ZHX3: variants seen among roughly 807,000 people sequenced by gnomAD.
ZHX3 encodes zinc fingers and homeoboxes protein 3.
In ZHX3, 20 loss-of-function variants were observed where a neutral mutation model predicts 64.5. The ratio of observed to expected loss-of-function variants is 0.31; its 90% CI spans 0.22 to 0.45. The LOEUF is 0.45. ZHX3 is among the 20% of genes least tolerant of loss of function. ZHX3 has a pLI of 1.00. For synonymous variants in ZHX3, 423 were observed against 461.6 expected (o/e 0.92, Z 1.07); for missense variants, 1,041 against 1,195.8 (o/e 0.87, Z 1.91).
At chr20:41,289,832 A>G (rs1199472429) in intron 1 of ZHX3, among the ~76,000 whole-genome samples, 1 of 151,770 alleles carries the variant, frequency 6.6e-6, no homozygotes, top group East Asian at 1.9e-4. Context: ...CCTGACAAAT[A>G]GTAGGTGGTC....
chr20:41,259,576 T>C (rs532633653), intron 2 of ZHX3, among the ~76,000 whole-genome samples: 1 of 152,284 alleles, frequency 6.6e-6, no homozygotes, highest in South Asian at 2.1e-4. Context: ...AAGACTCCCA[T>C]GATATACTAT....
rs550694053 is a variant in ZHX3 at position 41,186,974 on chromosome 20, G to A, written c.2861-1773C>T. 2.5e-4 allele frequency among the ~76,000 whole-genome samples: 38 copies of A among 152,066 alleles called. No homozygotes were observed. In the South Asian group the frequency reaches 4.4e-3, roughly 17 times the overall value. Reference sequence around the variant, plus strand: ...AAACACAAAAGTTTTAGATTTTGACGTAATCCAAATTATTATTTTCTTTTG... The same window carrying A: ...AAACACAAAAGTTTTAGATTTTGACATAATCCAAATTATTATTTTCTTTTG... On this transcript the variant is annotated intron_variant, in intron 3 of 3. Coordinates refer to ENST00000683867, the MANE Select transcript of ZHX3 (RefSeq NM_001384317.1).
chr20:41,220,251 A>G (rs2039843773), intron 2 of ZHX3, among the ~76,000 whole-genome samples: 1 of 152,226 alleles, frequency 6.6e-6, no homozygotes, highest in African/African-American at 2.4e-5. Context: ...TTTGGATTAG[A>G]GCTCGAAGGA....
At chr20:41,244,893 G>A (rs2041599042) in intron 2 of ZHX3, among the ~76,000 whole-genome samples, 1 of 152,142 alleles carries the variant, frequency 6.6e-6, no homozygotes, top group South Asian at 2.1e-4. Flanking sequence ...GAAGGGTTTT[G>A]GCCCAGGAAA....
rs6016523 is a variant in ZHX3 at position 41,201,743 on chromosome 20, A to G, written c.2860+314T>C. 7.8e-3 allele frequency among the ~76,000 whole-genome samples: 1,195 copies of G among 152,304 alleles called. 11 individuals carry two copies. Among genetic ancestry groups the G allele is most frequent in the African/African-American group, 0.027 (1,132 of 41,560 alleles). ...GTGGCTGTGGATCTGCCCGACTCAG[A>G]GGATGTTTTGACCTGTTCTCCTATT... On this transcript the variant is annotated intron_variant, in intron 3 of 3. Coordinates refer to ENST00000683867, the MANE Select transcript of ZHX3 (RefSeq NM_001384317.1). The surrounding 1 kb of genome is among the most constrained non-coding windows in gnomAD (Gnocchi z 5.0).
At chr20:41,299,093 CAATA>C (rs1281471021) in intron 1 of ZHX3, among the ~76,000 whole-genome samples, 1 of 152,166 alleles carries the variant, frequency 6.6e-6, no homozygotes, top group Non-Finnish European at 1.5e-5. Context: ...AATTGGGAAT[CAATA>C]GAGTGCAGCT....
chr20:41,267,442 A>G (rs781537611), intron 2 of ZHX3: 18 of 152,210 alleles, frequency 1.2e-4, no homozygotes, highest in Non-Finnish European at 1.9e-4. Context: ...TTCTTCATTC[A>G]TTCACCCAAC....
intron 2 of ZHX3, among the ~76,000 whole-genome samples, chr20:41,258,590 G>T (rs1285355656): frequency 6.6e-6 from 1 of 152,100 alleles, no homozygotes; most frequent in Non-Finnish European, 1.5e-5. Flanking sequence ...GGGTTTGCCT[G>T]ATGTTTTCTC....
Position 41,183,281 on chromosome 20 carries a change from T to C in ZHX3, c.*1910A>G, listed in dbSNP as rs2036309847. Reference sequence around the variant, plus strand: ...GAAGGAAAGCAATCACTCGCCATTCTTGGCAATTCCTCAAAGGTTTTTGAG... The same window carrying C: ...GAAGGAAAGCAATCACTCGCCATTCCTGGCAATTCCTCAAAGGTTTTTGAG... On this transcript the variant is annotated 3_prime_UTR_variant, in exon 4 of 4. Transcript: ENST00000683867. The surrounding 1 kb of genome is among the most constrained non-coding windows in gnomAD (Gnocchi z 5.3). The C allele has an allele frequency of 6.6e-6, 1 of 152,250 alleles. No individual in the cohort carries two copies. The highest frequency in any genetic ancestry group is 6.5e-5 in the Admixed American group (1 of 15,288). The allele number at this position is 152,250 out of a possible 1,614,324, so 9.4% of individuals were successfully genotyped here. A position where few individuals can be genotyped will look rare whatever the true frequency, so the allele number is the denominator to read the frequency against.
chr20:41,297,969 A>G (rs2044620610), intron 1 of ZHX3, among the ~76,000 whole-genome samples: 1 of 152,184 alleles, frequency 6.6e-6, no homozygotes, highest in Non-Finnish European at 1.5e-5. Flanking sequence ...ATCTATTTCT[A>G]TTGAGTCTAA....
In ZHX3 at chr20:41,205,041, C is replaced by T. The variant is rs1268849930; in HGVS notation, c.-125G>A. On this transcript the variant is annotated 5_prime_UTR_variant, in exon 3 of 4. Coordinates refer to ENST00000683867, the MANE Select transcript of ZHX3 (RefSeq NM_001384317.1). ...TAAATGCAGCTTTTTCAGTTGTTTG[C>T]AGAAAGCAGGTTTTCCCTATTCAAT... The T allele has an allele frequency of 9.9e-5, 135 of 1,360,652 alleles. No individual in the cohort carries two copies. The highest frequency in any genetic ancestry group is 1.2e-4 in the Non-Finnish European group (130 of 1,056,772). 84.3% of individuals were successfully genotyped at this position (1,360,652 alleles called of 1,614,324 possible).
rs752416140 is a variant in ZHX3, at chr20:41,204,677, T to C, written c.240A>G (p.Lys80=). Residue 80 remains lysine (K), a synonymous_variant, in exon 3 of 4, where the codon AAA becomes AAG. Coordinates refer to ENST00000683867, the MANE Select transcript of ZHX3 (RefSeq NM_001384317.1). The surrounding 1 kb of genome is among the most constrained non-coding windows in gnomAD (Gnocchi z 6.6). The stretch of plus-strand genomic sequence containing the variant: ...TGTCATGGGATCTGAAATCGCAGTA[T>C]TTACAGGAATATAAATAGCCATCTA... ...STLDGYLYSC[K]YCDFRSHDMT... 6.2e-7 allele frequency: 1 copy of C among 1,614,212 alleles called. No homozygotes were observed. Among genetic ancestry groups the C allele is most frequent in the Non-Finnish European group, 8.5e-7 (1 of 1,180,044 alleles).
At chr20:41,316,134 C>T (rs2045281809) in intron 1 of ZHX3, among the ~76,000 whole-genome samples, 1 of 152,258 alleles carries the variant, frequency 6.6e-6, no homozygotes, top group Admixed American at 6.5e-5. Context: ...AATCAAGCCC[C>T]GCTCAATGTA....
intron 2 of ZHX3, among the ~76,000 whole-genome samples, chr20:41,209,808 C>A (rs2039018623): frequency 6.6e-6 from 1 of 152,146 alleles, no homozygotes; most frequent in African/African-American, 2.4e-5. Flanking sequence ...GTCTAAAACA[C>A]CAAAAGCAAT....
intron 2 of ZHX3, among the ~76,000 whole-genome samples, chr20:41,214,565 T>C (rs2039387468): frequency 3.9e-5 from 6 of 152,204 alleles, no homozygotes; most frequent in Admixed American, 1.3e-4. Context: ...TTCAAACAAA[T>C]GGCAAAGTTG....
At chr20:41,257,232 G>C (rs1221499657) in intron 2 of ZHX3, among the ~76,000 whole-genome samples, 1 of 152,122 alleles carries the variant, frequency 6.6e-6, no homozygotes, top group Non-Finnish European at 1.5e-5. Flanking sequence ...CTACTAAGTG[G>C]TATCTTGGGA....
chr20:41,283,628 T>C (rs898799264), intron 1 of ZHX3, among the ~76,000 whole-genome samples: 3 of 152,036 alleles, frequency 2.0e-5, no homozygotes, highest in Non-Finnish European at 2.9e-5. Context: ...CATGGTGGCA[T>C]GCGCCTGTAT....
chr20:41,209,612 T>C (rs2039001178), intron 2 of ZHX3, among the ~76,000 whole-genome samples: 1 of 152,186 alleles, frequency 6.6e-6, no homozygotes, highest in Non-Finnish European at 1.5e-5. Flanking sequence ...CCCTATTTAA[T>C]AAATGGTGCT....
chr20:41,266,553 T>G (rs1356621556), intron 2 of ZHX3, among the ~76,000 whole-genome samples: 2 of 151,788 alleles, frequency 1.3e-5, no homozygotes, highest in Non-Finnish European at 2.9e-5. Flanking sequence ...CTTTCTTTTT[T>G]TTTTTTTTTT....
Sources: gnomAD v4.1 joint callset for allele counts (sites outside exome capture counted in the v4.1 genomes callset) on GRCh38, gnomAD v4.1.1 for gene constraint, Gnocchi (gnomAD v3.1) non-coding constraint, MANE v1.5 for transcripts, NCBI Gene and HGNC (gene_info 2026-07-23, HGNC 2026-07-21) for gene names.